Variants in ATXN7L1 observed in about 807,000 individuals in gnomAD.
ATXN7L1 encodes ataxin 7 like 1.
ATXN7L1 carries 15 observed loss-of-function variants against 70.8 expected under a neutral mutation model. The ratio of observed to expected loss-of-function variants is 0.21; its 90% confidence interval spans 0.14 to 0.33. The LOEUF (loss-of-function observed/expected upper bound fraction) is 0.33, where lower values mean the gene tolerates loss of function less well. ATXN7L1 is among the 10% of genes least tolerant of loss of function. The pLI is 1.00. For missense variants in ATXN7L1, 975 were observed against 1,097.1 expected, an observed-to-expected ratio of 0.89 and a Z score of 1.57; for synonymous variants, 440 against 445.1, an observed-to-expected ratio of 0.99 and a Z score of 0.14.
chr7:105,619,140 G>GTTTATTTTTTTTTT (rs1794380215), intron 9 of ATXN7L1, among the ~76,000 whole-genome samples: 1 of 49,846 alleles, frequency 2.0e-5, no homozygotes, highest in Non-Finnish European at 3.3e-5. Flanking sequence ...GAAATCTTTA[G>GTTTATTTTTTTTTT]TTTTTTTTTT....
intron 4 of ATXN7L1, among the ~76,000 whole-genome samples, chr7:105,658,925 T>C (rs590141): frequency 0.77 from 117,234 of 152,114 alleles, 46,115 homozygotes; most frequent in African/African-American, 0.92. Context: ...AGACGGATCA[T>C]GAGGAGTTCA....
intron 2 of ATXN7L1, among the ~76,000 whole-genome samples, chr7:105,791,025 G>T (rs190915120): frequency 2.0e-5 from 3 of 152,344 alleles, no homozygotes; most frequent in Admixed American, 2.0e-4. Context: ...CCTAAGGGAG[G>T]CCCCCAGGCT....
chr7:105,769,315 C>T (rs1221878725), intron 3 of ATXN7L1, among the ~76,000 whole-genome samples: 8 of 152,096 alleles, frequency 5.3e-5, no homozygotes, highest in Non-Finnish European at 8.8e-5. Context: ...CTTCTGGAAG[C>T]GTGACCATGG....
intron 2 of ATXN7L1, among the ~76,000 whole-genome samples, chr7:105,822,062 A>T (rs1810240600): frequency 6.6e-6 from 1 of 152,196 alleles, no homozygotes; most frequent in African/African-American, 2.4e-5. Flanking sequence ...GCCCTTCCCT[A>T]TACTTCAGCT....
chr7:105,856,167 C>T (rs1324456655), intron 2 of ATXN7L1, among the ~76,000 whole-genome samples: 1 of 152,220 alleles, frequency 6.6e-6, no homozygotes, highest in Non-Finnish European at 1.5e-5. Context: ...AAAATATCAA[C>T]CAATACTTAT....
At chr7:105,634,931 A>G (rs995240764) in intron 7 of ATXN7L1, among the ~76,000 whole-genome samples, 1 of 152,060 alleles carries the variant, frequency 6.6e-6, no homozygotes, top group African/African-American at 2.4e-5. Flanking sequence ...AAAAAAAAAA[A>G]AGAGAATTGG....
rs545452997 is a variant in ATXN7L1 at position 105,720,960 on chromosome 7, G to A, written c.356-55672C>T. ...GGCCTCTCCATTCTCTTCAGACCTC[G>A]GGCTGTAGGAAGTTTCCCTCAGCAC... On this transcript the variant is annotated intron_variant, in intron 3 of 11. Transcript: ENST00000419735. Among the ~76,000 whole-genome samples, 56 of 152,158 alleles carry A rather than the reference G, an allele frequency of 3.7e-4. 1 individual carries two copies. The South Asian group carries it at 0.011, about 29-fold the overall frequency.
At chr7:105,790,723 CAA>C (rs1271863058) in intron 2 of ATXN7L1, among the ~76,000 whole-genome samples, 1 of 151,084 alleles carries the variant, frequency 6.6e-6, no homozygotes. Context: ...ATCTATCTGA[CAA>C]AAAAAGGTCA....
chr7:105,708,887 G>A (rs1043263183), intron 3 of ATXN7L1, among the ~76,000 whole-genome samples: 3 of 152,176 alleles, frequency 2.0e-5, no homozygotes, highest in African/African-American at 7.2e-5. Flanking sequence ...GAATGTCTTA[G>A]GACAAATGTT....
At chr7:105,722,386 A>G (rs1795284309) in intron 3 of ATXN7L1, among the ~76,000 whole-genome samples, 1 of 151,666 alleles carries the variant, frequency 6.6e-6, no homozygotes, top group Non-Finnish European at 1.5e-5. Flanking sequence ...ACATGATGAA[A>G]CTCTGTCTGT....
chr7:105,819,741 T>C (rs1421178128), intron 2 of ATXN7L1: 2 of 758,270 alleles, frequency 2.6e-6, no homozygotes, highest in East Asian at 2.9e-5. Flanking sequence ...CCGGCTGACC[T>C]CGAGGCATGT....
At chr7:105,622,731 A>G (rs757440838) in intron 8 of ATXN7L1, among the ~76,000 whole-genome samples, 43 of 152,168 alleles carry the variant, frequency 2.8e-4, no homozygotes, top group Non-Finnish European at 5.3e-4. Context: ...TCTGGTAGAT[A>G]TAAGGGGAAG....
At position 105,614,475 on chromosome 7, in the gene ATXN7L1, T is replaced by C. The variant is rs1481494679; in HGVS notation, c.1859A>G (p.Lys620Arg). 2 of 1,535,910 alleles carry C rather than the reference T, an allele frequency of 1.3e-6. No homozygotes were observed. The highest frequency in any genetic ancestry group is 1.8e-6 in the Non-Finnish European group (2 of 1,138,436). The change falls in exon 10 of 12, where the codon AAA becomes AGA. Residue 620 changes from lysine to arginine, a missense_variant. Lys to Arg is a conservative substitution (Grantham distance 26). This residue lies in a region of ATXN7L1 where 635 missense variants were observed against 699.4 expected (regional missense o/e 0.91). Transcript: ENST00000419735. The surrounding 1 kb of genome is among the most constrained non-coding windows in gnomAD (Gnocchi z 4.3). ...TTTTGAGGATTTGCTGGTTTTGGTT[T>C]TGGATGGCTTGTGGGATGGGGAAGG... ...VIPSPSHKPS[K>R]TKTSKSSKVK...
chr7:105,767,213 C>T (rs1441462912), intron 3 of ATXN7L1, among the ~76,000 whole-genome samples: 2 of 152,114 alleles, frequency 1.3e-5, no homozygotes, highest in Admixed American at 1.3e-4. Flanking sequence ...AGATGCTGGC[C>T]ACTGGAATCC....
chr7:105,786,014 C>T (rs1000425014), intron 3 of ATXN7L1, among the ~76,000 whole-genome samples: 2 of 152,170 alleles, frequency 1.3e-5, no homozygotes, highest in African/African-American at 4.8e-5. Flanking sequence ...CTAAAAAGTA[C>T]TCCCCACAAA....
chr7:105,780,711 T>A (rs1175488972), intron 3 of ATXN7L1, among the ~76,000 whole-genome samples: 6 of 151,532 alleles, frequency 4.0e-5, no homozygotes, highest in African/African-American at 1.2e-4. Context: ...CTTTTGCCTT[T>A]AAAAAAAAAT....
intron 2 of ATXN7L1, among the ~76,000 whole-genome samples, chr7:105,844,889 C>A (rs746046611): frequency 2.0e-5 from 3 of 152,024 alleles, no homozygotes; most frequent in African/African-American, 7.2e-5. Flanking sequence ...AACACGGTTG[C>A]GGAATAAAAG....
chr7:105,855,774 C>T (rs964699957), intron 2 of ATXN7L1, among the ~76,000 whole-genome samples: 1 of 152,190 alleles, frequency 6.6e-6, no homozygotes, highest in African/African-American at 2.4e-5. Context: ...CAGACCTTTT[C>T]CTCTTGTCAT....
At chr7:105,719,043 G>C (rs754531881) in intron 3 of ATXN7L1, among the ~76,000 whole-genome samples, 2 of 152,194 alleles carry the variant, frequency 1.3e-5, no homozygotes, top group Non-Finnish European at 2.9e-5. Flanking sequence ...CTAGGAAACA[G>C]ACCAGTTTAC....
Sources: gnomAD v4.1 joint callset for allele counts (sites outside exome capture counted in the v4.1 genomes callset) on GRCh38, gnomAD v4.1.1 for gene constraint, gnomAD v4.1.1 regional missense constraint, Gnocchi (gnomAD v3.1) non-coding constraint, MANE v1.5 for transcripts, NCBI Gene and HGNC (gene_info 2026-07-23, HGNC 2026-07-21) for gene names.